Variants in GALNT14 observed in about 807,000 individuals in gnomAD.
GALNT14 encodes the protein UDP-GalNAc:polypeptide N-acetylgalactosaminyltransferase 14.
A neutral mutation model predicts 77.5 loss-of-function variants in GALNT14; 60 were observed. That is an observed-to-expected ratio of 0.77 (90% CI 0.63 to 0.96). The LOEUF (loss-of-function observed/expected upper bound fraction) is 0.96. Ranked by LOEUF, GALNT14 falls within the 40% of genes least tolerant of loss-of-function variation. The pLI is 0.00. For synonymous variants in GALNT14, 280 were observed against 281.7 expected (o/e 0.99, Z 0.06); for missense variants, 710 against 731.0 (o/e 0.97, Z 0.33).
intron 1 of GALNT14, among the ~76,000 whole-genome samples, chr2:31,094,908 C>A (rs745673611): frequency 1.8e-4 from 28 of 152,164 alleles, no homozygotes; most frequent in Non-Finnish European, 3.4e-4. Flanking sequence ...ATCCAATGAA[C>A]AGATTGGACC....
intron 1 of GALNT14, among the ~76,000 whole-genome samples, chr2:31,039,186 T>C (rs987992242): frequency 6.6e-6 from 1 of 152,240 alleles, no homozygotes; most frequent in Non-Finnish European, 1.5e-5. Context: ...TGGAGGTACC[T>C]ACTCTGCCAT....
chr2:31,049,895 T>C (rs2148516690), intron 1 of GALNT14, among the ~76,000 whole-genome samples: 1 of 152,322 alleles, frequency 6.6e-6, no homozygotes, highest in South Asian at 2.1e-4. Context: ...TAAACATTTT[T>C]ATTTCACTCT....
At chr2:30,893,081 AAAAC>A in the GALNT14 span, among the ~76,000 whole-genome samples, 2 of 152,236 alleles carry the variant, frequency 1.3e-5, no homozygotes, top group African/African-American at 2.4e-5. Flanking sequence ...AGCAAACAAA[AAAAC>A]AAAGAAATGA....
At chr2:30,954,724 T>C (rs1039774890) in intron 6 of GALNT14, among the ~76,000 whole-genome samples, 3 of 152,116 alleles carry the variant, frequency 2.0e-5, no homozygotes, top group Admixed American at 6.5e-5. Flanking sequence ...CCATGAAGAG[T>C]GAGCAGGAAA....
At chr2:31,131,246 C>T (rs1046151362) in intron 1 of GALNT14, among the ~76,000 whole-genome samples, 1 of 152,196 alleles carries the variant, frequency 6.6e-6, no homozygotes, top group African/African-American at 2.4e-5. Flanking sequence ...TCTCCTGCCG[C>T]TTGTGTGCAG....
intron 1 of GALNT14, among the ~76,000 whole-genome samples, chr2:31,064,044 T>C (rs2161834): frequency 0.61 from 93,165 of 152,034 alleles, 28,821 homozygotes; most frequent in African/African-American, 0.66. Flanking sequence ...CTTTTGCAGA[T>C]GGCAAAGAAG....
At chr2:31,132,058 C>T (rs976754836) in intron 1 of GALNT14, among the ~76,000 whole-genome samples, 15 of 152,316 alleles carry the variant, frequency 9.8e-5, no homozygotes, top group African/African-American at 3.6e-4. Context: ...GCTCCCCAGC[C>T]TGACTAAAAG....
intron 1 of GALNT14, among the ~76,000 whole-genome samples, chr2:31,002,857 A>G (rs926823125): frequency 4.6e-5 from 7 of 152,190 alleles, no homozygotes; most frequent in Admixed American, 6.5e-5. Flanking sequence ...GGGCTCATGC[A>G]AAGGAAAGAG....
At chr2:30,903,243 G>C in the GALNT14 span, among the ~76,000 whole-genome samples, 1 of 152,224 alleles carries the variant, frequency 6.6e-6, no homozygotes, top group Non-Finnish European at 1.5e-5. Flanking sequence ...GGGCTTTCTG[G>C]ATGAAGGGGA....
chr2:30,921,177 G>A (rs1665009651), intron 13 of GALNT14, among the ~76,000 whole-genome samples: 1 of 152,146 alleles, frequency 6.6e-6, no homozygotes, highest in Non-Finnish European at 1.5e-5. Flanking sequence ...GCCCCTCTCG[G>A]AGGCCCACAG....
At chr2:30,897,147 A>G in the GALNT14 span, among the ~76,000 whole-genome samples, 1 of 152,038 alleles carries the variant, frequency 6.6e-6, no homozygotes, top group Non-Finnish European at 1.5e-5. Context: ...CCTACACCAC[A>G]GGCTTGTTGA....
In GALNT14 at chr2:30,975,874, A is replaced by C. The variant is rs73923316; in HGVS notation, c.300-9572T>G. 5.0e-3 allele frequency among the ~76,000 whole-genome samples: 757 copies of C among 152,312 alleles called. 17 individuals carry two copies. The highest frequency in any genetic ancestry group is 0.044 in the South Asian group (214 of 4,818). On this transcript the variant is annotated intron_variant, in intron 2 of 14. Coordinates refer to ENST00000349752, the MANE Select transcript of GALNT14 (RefSeq NM_024572.4). ...CATCATTTACCATCATCATCATTTC[A>C]AAAAGAAAGAGTATTTAAACACCAG...
chr2:30,980,402 T>G (rs1268773012), intron 2 of GALNT14, among the ~76,000 whole-genome samples: 1 of 152,182 alleles, frequency 6.6e-6, no homozygotes, highest in Non-Finnish European at 1.5e-5. Context: ...CCAGCTGCCC[T>G]CCTGATGCCA....
At chr2:30,969,683 G>T (rs191545046) in intron 2 of GALNT14, among the ~76,000 whole-genome samples, 10 of 152,322 alleles carry the variant, frequency 6.6e-5, no homozygotes, top group Non-Finnish European at 1.5e-5. Flanking sequence ...CATGGGCACA[G>T]AACTAGACCT....
chr2:30,904,093 C>T, the GALNT14 span, among the ~76,000 whole-genome samples: 1 of 152,150 alleles, frequency 6.6e-6, no homozygotes, highest in East Asian at 1.9e-4. Context: ...CTGGACCCAA[C>T]CCCACACCTA....
chr2:30,996,015 C>A (rs1046516735), intron 1 of GALNT14, among the ~76,000 whole-genome samples: 1 of 152,174 alleles, frequency 6.6e-6, no homozygotes, highest in African/African-American at 2.4e-5. Context: ...TCCCTCTTAG[C>A]CTTTTTGCTC....
chr2:31,133,034 T>G lies in GALNT14; in HGVS notation c.129+4924A>C, dbSNP rs118178898. ...ACTGACTCAGAGGAAGAGGACAGCT[T>G]TGACTCCCCATGATCTCATCTCCAA... On this transcript the variant is annotated intron_variant, in intron 1 of 14. Transcript: ENST00000349752. Among the ~76,000 whole-genome samples the G allele has an allele frequency of 9.5e-3, 1,438 of 152,128 alleles. 12 individuals carry two copies. Among genetic ancestry groups the G allele is most frequent in the East Asian group, 0.014 (71 of 5,168 alleles).
intron 1 of GALNT14, among the ~76,000 whole-genome samples, chr2:31,089,659 G>T (rs1676633094): frequency 6.6e-6 from 1 of 152,062 alleles, no homozygotes; most frequent in Admixed American, 6.5e-5. Flanking sequence ...AAAGCAGAGG[G>T]TTATTTTCTA....
chr2:30,983,381 G>T (rs1487721728), intron 2 of GALNT14, among the ~76,000 whole-genome samples: 1 of 152,130 alleles, frequency 6.6e-6, no homozygotes, highest in Non-Finnish European at 1.5e-5. Flanking sequence ...TTTGTTGAAT[G>T]AATTATTCCT....
Sources: allele counts gnomAD v4.1 joint callset (sites outside exome capture counted in the v4.1 genomes callset), GRCh38; gene constraint gnomAD v4.1.1; transcripts MANE v1.5; gene names NCBI Gene and HGNC (gene_info 2026-07-23, HGNC 2026-07-21).